The following ATG7 variants were observed in gnomAD, a reference collection of about 807,000 sequenced individuals.
ATG7 encodes the protein ubiquitin-like modifier-activating enzyme ATG7.
Under a neutral mutation model 82.4 loss-of-function variants are expected in ATG7, and 70 were observed. That is an observed-to-expected ratio of 0.85 (90% CI 0.70 to 1.04). The LOEUF is 1.04. Ranked by LOEUF, ATG7 falls within the 50% of genes least tolerant of loss-of-function variation. The pLI is 0.00. For synonymous variants in ATG7, 287 were observed against 313.0 expected, an observed-to-expected ratio of 0.92 and a Z score of 0.88; for missense variants, 792 against 864.3, an observed-to-expected ratio of 0.92 and a Z score of 1.05.
At chr3:11,435,973 G>A (rs2152958634) in intron 20 of ATG7, among the ~76,000 whole-genome samples, 1 of 152,294 alleles carries the variant, frequency 6.6e-6, no homozygotes, top group Non-Finnish European at 1.5e-5. Context: ...GGTGGCATGT[G>A]CCTACAGTCC....
chr3:11,490,190 G>C (rs970232612), intron 20 of ATG7, among the ~76,000 whole-genome samples: 1 of 152,200 alleles, frequency 6.6e-6, no homozygotes, highest in Non-Finnish European at 1.5e-5. Context: ...ATTTACGATA[G>C]TTAGCTCTTG....
At chr3:11,311,370 G>A (rs560904045) in intron 7 of ATG7, among the ~76,000 whole-genome samples, 1 of 152,154 alleles carries the variant, frequency 6.6e-6, no homozygotes, top group African/African-American at 2.4e-5. Context: ...TTGGGAGGCC[G>A]AGGTAGGCGG....
downstream of ATG7, among the ~76,000 whole-genome samples, chr3:11,561,781 C>G (rs1395988701): frequency 2.6e-5 from 4 of 152,138 alleles, no homozygotes; most frequent in Non-Finnish European, 4.4e-5. Context: ...AACCCCTTCA[C>G]CCGCTGTCCC....
At position 11,333,106 on chromosome 3, in the gene ATG7, T is replaced by G; in HGVS notation, c.889+13T>G. ...GCATTTAGCCCAGGTAATTTGCCGG[T>G]CTTTGAAAATGCATATAATTATCAT... is the stretch of plus-strand genomic sequence containing the variant. On this transcript the variant is annotated intron_variant, in intron 11 of 20. Coordinates refer to ENST00000693202, the MANE Select transcript of ATG7 (RefSeq NM_001349232.2). 6.5e-7 allele frequency: 1 copy of G among 1,543,320 alleles called. No homozygotes were observed.
chr3:11,500,723 C>T (rs1393164780), intron 20 of ATG7, among the ~76,000 whole-genome samples: 1 of 152,172 alleles, frequency 6.6e-6, no homozygotes, highest in Non-Finnish European at 1.5e-5. Flanking sequence ...CTCCACCTCC[C>T]AGGTTCAAGC....
At chr3:11,277,891 A>AACCCC (rs1942170487) in intron 1 of ATG7, among the ~76,000 whole-genome samples, 6 of 60,768 alleles carry the variant, frequency 9.9e-5, no homozygotes, top group South Asian at 1.1e-3. Flanking sequence ...CCCTTTATAG[A>AACCCC]CCCCCCCCCC....
intron 20 of ATG7, among the ~76,000 whole-genome samples, chr3:11,454,672 C>G (rs2085527182): frequency 1.3e-5 from 2 of 152,218 alleles, no homozygotes; most frequent in South Asian, 4.1e-4. Context: ...ATTTCTGTCC[C>G]TTGCAACCAC....
chr3:11,428,602 T>C (rs532237444), intron 20 of ATG7, among the ~76,000 whole-genome samples: 3 of 152,346 alleles, frequency 2.0e-5, no homozygotes, highest in African/African-American at 7.2e-5. Flanking sequence ...TGAGAGACTT[T>C]AAGGTATTTT....
intron 19 of ATG7, among the ~76,000 whole-genome samples, chr3:11,391,644 C>T (rs556198083): frequency 1.4e-4 from 21 of 152,284 alleles, no homozygotes; most frequent in Middle Eastern, 6.8e-3. Flanking sequence ...GCTTTTTCTA[C>T]CGCAGCTATA....
chr3:11,531,219 G>T (rs915534801), intron 20 of ATG7, among the ~76,000 whole-genome samples: 4 of 152,282 alleles, frequency 2.6e-5, no homozygotes, highest in East Asian at 3.9e-4. Flanking sequence ...CTAGAAGAAG[G>T]GGGGGCTGTG....
chr3:11,416,109 A>G (rs1323054746), intron 19 of ATG7, among the ~76,000 whole-genome samples: 1 of 151,978 alleles, frequency 6.6e-6, no homozygotes, highest in East Asian at 1.9e-4. Flanking sequence ...ATTGGATTCG[A>G]TTTGCTAATA....
chr3:11,545,877 A>G (rs1389895580), intron 20 of ATG7, among the ~76,000 whole-genome samples: 1 of 142,932 alleles, frequency 7.0e-6, no homozygotes, highest in East Asian at 2.5e-4. Context: ...CCATACCCCC[A>G]TTGTTTCCCG....
At chr3:11,367,460 C>T (rs954097263) in intron 18 of ATG7, among the ~76,000 whole-genome samples, 3 of 152,164 alleles carry the variant, frequency 2.0e-5, no homozygotes, top group Non-Finnish European at 4.4e-5. Context: ...AGTCCTTGGA[C>T]TGAGAATCAC....
At chr3:11,314,495 T>C (rs1949120553) in intron 8 of ATG7, among the ~76,000 whole-genome samples, 1 of 152,102 alleles carries the variant, frequency 6.6e-6, no homozygotes, top group South Asian at 2.1e-4. Context: ...GGAAAAAGGA[T>C]TTTGGCTGAG....
intron 20 of ATG7, among the ~76,000 whole-genome samples, chr3:11,490,187 ATAGT>A (rs1293223601): frequency 6.6e-6 from 1 of 152,108 alleles, no homozygotes; most frequent in Non-Finnish European, 1.5e-5. Context: ...TATATTTACG[ATAGT>A]TAGCTCTTGT....
chr3:11,298,564 G>T (rs1946303175), intron 3 of ATG7, 122 bp from the exon 4 acceptor site: 1 of 897,296 alleles, frequency 1.1e-6, no homozygotes, highest in African/African-American at 1.7e-5. Context: ...GTGTTTCAAG[G>T]TAGCCTGTAA....
At position 11,326,104 on chromosome 3, in the gene ATG7, C is replaced by T. The variant is rs1004163642; in HGVS notation, c.679-5236C>T. Among the ~76,000 whole-genome samples the T allele has an allele frequency of 3.4e-4, 51 of 152,150 alleles. 1 individual carries two copies. The highest frequency in any genetic ancestry group is 1.3e-3 in the Admixed American group (20 of 15,270). On this transcript the variant is annotated intron_variant, in intron 9 of 20. Coordinates refer to ENST00000693202, the MANE Select transcript of ATG7 (RefSeq NM_001349232.2). ...CATCTTGCAGGAGAGAAAGGAACTT[C>T]CCCCAATGTCTTAGGATCAGTTAGC...
the ATG7 span, among the ~76,000 whole-genome samples, chr3:11,573,300 AAAGAAAGGAAGG>A: frequency 0.015 from 141 of 9,490 alleles, 5 homozygotes; most frequent in East Asian, 0.068. Context: ...AGAAAGAAAG[AAAGAAAGGAAGG>A]AAGGAAGAAA....
At chr3:11,333,224 A>G (rs940056490) in intron 11 of ATG7, 131 bp downstream of exon 11, 43 of 1,208,144 alleles carry the variant, frequency 3.6e-5, no homozygotes, top group African/African-American at 3.3e-4. Context: ...CTCTTTGCCA[A>G]TGCAGACACC....
Sources: allele counts gnomAD v4.1 joint callset (sites outside exome capture counted in the v4.1 genomes callset), GRCh38; gene constraint gnomAD v4.1.1; transcripts MANE v1.5; gene names NCBI Gene and HGNC (gene_info 2026-07-23, HGNC 2026-07-21).